The following TMEM254 variants were observed in gnomAD, a reference collection of about 807,000 sequenced individuals.
TMEM254 encodes transmembrane protein 254, also known as transmembrane protein C10orf57.
TMEM254 carries 16 observed loss-of-function variants against 13.9 expected under a neutral mutation model. The ratio of observed to expected loss-of-function variants is 1.15; its 90% CI spans 0.78 to 1.75. The LOEUF (loss-of-function observed/expected upper bound fraction) is 1.75. Ranked by LOEUF, TMEM254 falls within the 40% of genes most tolerant of loss-of-function variation. The probability of loss-of-function intolerance (pLI) is 0.00; values close to 1 mark genes in which losing one functional copy is unlikely to be tolerated. For synonymous variants in TMEM254, 61 were observed against 56.4 expected, an observed-to-expected ratio of 1.08 and a Z score of -0.36; for missense variants, 155 against 149.0, an observed-to-expected ratio of 1.04 and a Z score of -0.21.
In TMEM254 at chr10:80,081,660, C is replaced by T. The variant is rs1279960538; in HGVS notation, c.88-181C>T. On this transcript the variant is annotated intron_variant, in intron 1 of 3. Coordinates refer to ENST00000372281, the MANE Select transcript of TMEM254 (RefSeq NM_025125.4). ...TCCAGCCCCAGCAGCGGAGTGAGAC[C>T]CTGTCAAAAAAAAAAGAAAGAAAGA... The T allele has an allele frequency of 2.6e-6, 4 of 1,539,644 alleles. No homozygotes were observed. In the East Asian group the frequency reaches 9.7e-5, roughly 37 times the overall value.
At chr10:80,084,368 T>C (rs1024166541) in intron 3 of TMEM254, among the ~76,000 whole-genome samples, 28 of 152,194 alleles carry the variant, frequency 1.8e-4, no homozygotes, top group African/African-American at 6.5e-4. Flanking sequence ...CAGGTGGGTC[T>C]GTGGTACAGG....
chr10:80,090,971 G>C lies in TMEM254; in HGVS notation c.*54G>C. On this transcript the variant is annotated 3_prime_UTR_variant, in exon 4 of 4. Transcript: ENST00000372281. The stretch of plus-strand genomic sequence containing the variant: ...TACATTCATCCTCACCCTTTTTTTT[G>C]TGGGGTAGAGGAGGTGCAGTAATTT... 1 of 1,597,124 alleles carries C rather than the reference G, an allele frequency of 6.3e-7. No individual in the cohort carries two copies. The highest frequency in any genetic ancestry group is 8.5e-7 in the Non-Finnish European group (1 of 1,172,846).
intron 1 of TMEM254, chr10:80,079,646 C>T (rs561712762): frequency 1.0e-6 from 1 of 986,890 alleles, no homozygotes; most frequent in East Asian, 1.1e-4. Context: ...GTTTGTTTGG[C>T]TGAGAAATAA....
rs1487046195 is a variant in TMEM254 at position 80,082,171 on chromosome 10, T to C, written c.218T>C (p.Val73Ala). The change falls in exon 3 of 4, where the codon GTG becomes GCG. Residue 73 changes from valine (V) to alanine (A), a missense_variant. Transcript: ENST00000372281. ...NGYWLAWLIH[V>A]GESLYAIVLC... ...TATTGGCTTGCCTGGCTGATTCATG[T>C]GGGAGAGTCCTTGTATGCCATAGTA... 6.2e-7 allele frequency: 1 copy of C among 1,614,258 alleles called. No homozygotes were observed. The highest frequency in any genetic ancestry group is 8.5e-7 in the Non-Finnish European group (1 of 1,180,046).
rs774049412 is a variant in TMEM254 at position 80,081,925 on chromosome 10, C to G, written c.172C>G (p.His58Asp). 6.2e-7 allele frequency: 1 copy of G among 1,614,130 alleles called. No homozygotes were observed. Among genetic ancestry groups the G allele is most frequent in the East Asian group, 2.2e-5 (1 of 44,874 alleles). The change falls in exon 2 of 4, where the codon CAC (histidine) becomes GAC (aspartate). Residue 58 changes from histidine (H) to aspartate (D), a missense_variant. His to Asp is a moderately conservative substitution (Grantham distance 81). Coordinates refer to ENST00000372281, the MANE Select transcript of TMEM254 (RefSeq NM_025125.4). ...PFTQYLVDHH[H>D]TLLCNGYWLA... Reference sequence around the variant, plus strand: ...CACTCAGTACTTGGTGGACCACCATCACACCCTCCTGTGCAATGGGTAAGG... The same window carrying G: ...CACTCAGTACTTGGTGGACCACCATGACACCCTCCTGTGCAATGGGTAAGG...
At position 80,091,050 on chromosome 10, in the gene TMEM254, C is replaced by G; in HGVS notation, c.*133C>G. 8.5e-7 allele frequency: 1 copy of G among 1,180,192 alleles called. No individual in the cohort carries two copies. The allele number at this position is 1,180,192 out of a possible 1,614,324, so 73.1% of individuals were successfully genotyped here. On this transcript the variant is annotated 3_prime_UTR_variant, in exon 4 of 4. Coordinates refer to ENST00000372281, the MANE Select transcript of TMEM254 (RefSeq NM_025125.4). ...CTGTCCTTCAAAGCTCTTTAAGACC[C>G]CCTCGTTAGTCAGTTTTTTCTCTTA...
intron 3 of TMEM254, among the ~76,000 whole-genome samples, chr10:80,085,653 AG>A (rs199662351): frequency 2.0e-5 from 3 of 152,176 alleles, no homozygotes; most frequent in African/African-American, 4.8e-5. Context: ...TAGATTAAAA[AG>A]GGTATCTAGC....
intron 1 of TMEM254, 191 bp from the exon 2 acceptor site, chr10:80,081,650 G>A (rs369303710): frequency 9.1e-6 from 14 of 1,536,812 alleles, no homozygotes; most frequent in African/African-American, 4.2e-5. Context: ...CCCCAGCAGC[G>A]GAGTGAGACC....
intron 3 of TMEM254, among the ~76,000 whole-genome samples, chr10:80,085,199 T>C (rs1235854021): frequency 6.6e-6 from 1 of 152,066 alleles, no homozygotes; most frequent in African/African-American, 2.4e-5. Context: ...GTTCTTGAAA[T>C]CATTTATGGT....
At chr10:80,090,489 C>G in intron 3 of TMEM254, 4 of 715,450 alleles carry the variant, frequency 5.6e-6, no homozygotes, top group Non-Finnish European at 1.0e-5. Flanking sequence ...TGCTCTGAAA[C>G]CATACCAGTG....
chr10:80,082,280 G>T, intron 3 of TMEM254, 76 bp downstream of exon 3: 3 of 1,508,358 alleles, frequency 2.0e-6, no homozygotes, highest in Non-Finnish European at 2.8e-6. Flanking sequence ...CATTTAAATA[G>T]TTCACACACT....
In TMEM254 at chr10:80,090,781, GT is replaced by G. The variant is rs746033792; in HGVS notation, c.252-10del. 1 of 1,603,554 alleles carries G rather than the reference GT, an allele frequency of 6.2e-7. No individual in the cohort carries two copies. Among genetic ancestry groups the G allele is most frequent in the Non-Finnish European group, 8.5e-7 (1 of 1,177,510 alleles). The stretch of plus-strand genomic sequence containing the variant: ...GATTAACATCTCGTGTTTAAATTTT[GT>G]TTTTTCTGTTTTAGGCATAAAGGCA... On this transcript the variant is annotated splice_polypyrimidine_tract_variant and intron_variant, in intron 3 of 3. Transcript: ENST00000372281.
intron 3 of TMEM254, among the ~76,000 whole-genome samples, chr10:80,083,105 C>CT (rs57014602): frequency 0.29 from 31,320 of 106,306 alleles, 6,122 homozygotes; most frequent in South Asian, 0.55. Flanking sequence ...ATAAGCTAGA[C>CT]TTTTTTTTTT....
chr10:80,087,521 C>T (rs574010959), intron 3 of TMEM254, among the ~76,000 whole-genome samples: 3 of 150,978 alleles, frequency 2.0e-5, no homozygotes, highest in Non-Finnish European at 2.9e-5. Flanking sequence ...GGCGTGGTAG[C>T]GGGCACCTGT....
intron 3 of TMEM254, chr10:80,090,491 A>T (rs769121436): frequency 1.3e-5 from 9 of 715,094 alleles, no homozygotes; most frequent in Middle Eastern, 2.3e-4. Context: ...CTCTGAAACC[A>T]TACCAGTGCT....
chr10:80,084,849 C>T (rs572058097), intron 3 of TMEM254, among the ~76,000 whole-genome samples: 13 of 151,886 alleles, frequency 8.6e-5, no homozygotes, highest in East Asian at 1.9e-4. Context: ...TTTTTTGAGA[C>T]GGAGTTTCGC....
chr10:80,079,261 A>T lies in TMEM254; in HGVS notation c.87+475A>T, dbSNP rs1843830233. ...TCGTAGGGCGAGGGGAGCTCTGGGA[A>T]CGGGGCCTGTGCGCACGCGCATCTG... On this transcript the variant is annotated intron_variant, in intron 1 of 3. Coordinates refer to ENST00000372281, the MANE Select transcript of TMEM254 (RefSeq NM_025125.4). 3 of 1,227,574 alleles carry T rather than the reference A, an allele frequency of 2.4e-6. No homozygotes were observed. The African/African-American group carries it at 4.8e-5, about 20-fold the overall frequency. The allele number at this position is 1,227,574 out of a possible 1,614,324, so 76.0% of individuals were successfully genotyped here. A position where few individuals can be genotyped will look rare whatever the true frequency, so the allele number is the denominator to read the frequency against.
rs116511079 is a variant in TMEM254, at chr10:80,080,499, G to A, written c.88-1342G>A. 4.8e-3 allele frequency among the ~76,000 whole-genome samples: 729 copies of A among 152,230 alleles called. 9 individuals are homozygous for A. The highest frequency in any genetic ancestry group is 0.017 in the African/African-American group (690 of 41,538). On this transcript the variant is annotated intron_variant, in intron 1 of 3. Coordinates refer to ENST00000372281, the MANE Select transcript of TMEM254 (RefSeq NM_025125.4). ...CAGTGGATCATTCTCAGTTTTAGCC[G>A]TACAAAAAGGGAAAGCCGAGAAAGG...
intron 1 of TMEM254, 165 bp from the exon 2 acceptor site, chr10:80,081,671 AAAAAG>A (rs775370039): frequency 2.1e-5 from 33 of 1,562,768 alleles, no homozygotes; most frequent in South Asian, 1.9e-4. Flanking sequence ...CTGTCAAAAA[AAAAAG>A]AAAGAAAGAA....
Sources: gnomAD v4.1 joint callset for allele counts (sites outside exome capture counted in the v4.1 genomes callset) on GRCh38, gnomAD v4.1.1 for gene constraint, MANE v1.5 for transcripts, NCBI Gene and HGNC (gene_info 2026-07-23, HGNC 2026-07-21) for gene names.